Variants in ARHGAP10 observed in about 807,000 individuals in gnomAD.
ARHGAP10 encodes rho GTPase-activating protein 10.
In ARHGAP10, 87 loss-of-function variants were observed where a neutral mutation model predicts 108.6. That is an observed-to-expected ratio of 0.80 (90% CI 0.67 to 0.96). ARHGAP10 has a LOEUF of 0.96. Ranked by LOEUF, ARHGAP10 falls within the 40% of genes least tolerant of loss-of-function variation. ARHGAP10 has a pLI of 0.00. For missense variants in ARHGAP10, 939 were observed against 954.5 expected (o/e 0.98, Z 0.21); for synonymous variants, 347 against 341.1 (o/e 1.02, Z -0.19).
At chr4:147,776,371 C>T (rs1478772662) in intron 1 of ARHGAP10, among the ~76,000 whole-genome samples, 1 of 152,128 alleles carries the variant, frequency 6.6e-6, no homozygotes, top group Non-Finnish European at 1.5e-5. Context: ...AGGAACGCGT[C>T]ACCACACCCA....
chr4:148,005,916 A>G (rs768711189), intron 18 of ARHGAP10, among the ~76,000 whole-genome samples: 1 of 152,242 alleles, frequency 6.6e-6, no homozygotes, highest in Non-Finnish European at 1.5e-5. Context: ...TCATTACACA[A>G]TATTAGGTGA....
intron 11 of ARHGAP10, among the ~76,000 whole-genome samples, chr4:147,907,114 T>C (rs886458446): frequency 1.3e-5 from 2 of 152,224 alleles, no homozygotes; most frequent in Non-Finnish European, 2.9e-5. Flanking sequence ...AGGTGACTGC[T>C]GTAATTGTTT....
At chr4:147,742,950 G>A (rs1194708211) in intron 1 of ARHGAP10, among the ~76,000 whole-genome samples, 2 of 151,068 alleles carry the variant, frequency 1.3e-5, no homozygotes, top group Non-Finnish European at 2.9e-5. Context: ...GAAGTACAAG[G>A]GAATACAGTG....
At chr4:147,885,257 G>A (rs1471029673) in intron 10 of ARHGAP10, among the ~76,000 whole-genome samples, 1 of 152,120 alleles carries the variant, frequency 6.6e-6, no homozygotes, top group East Asian at 1.9e-4. Context: ...AGAAAAAGAG[G>A]TTTAATGGAC....
chr4:147,853,829 TACTC>T (rs933533307), intron 4 of ARHGAP10, among the ~76,000 whole-genome samples: 3 of 152,126 alleles, frequency 2.0e-5, no homozygotes, highest in African/African-American at 7.2e-5. Context: ...TTGTTGAAAA[TACTC>T]TCTATGGCTT....
intron 13 of ARHGAP10, among the ~76,000 whole-genome samples, chr4:147,929,271 C>G (rs1737578026): frequency 6.6e-6 from 1 of 152,080 alleles, no homozygotes. Flanking sequence ...ATAATGCATT[C>G]TTTTCCCAAA....
intron 20 of ARHGAP10, among the ~76,000 whole-genome samples, chr4:148,047,391 A>G (rs1578825159): frequency 6.6e-6 from 1 of 152,264 alleles, no homozygotes; most frequent in South Asian, 2.1e-4. Flanking sequence ...GTGAGAATGC[A>G]TGCTGATGGA....
chr4:148,034,383 T>A (rs1006044877), intron 19 of ARHGAP10, among the ~76,000 whole-genome samples: 6 of 152,210 alleles, frequency 3.9e-5, no homozygotes, highest in African/African-American at 1.4e-4. Flanking sequence ...GATGGCGCGA[T>A]CTTGGCTCAC....
chr4:148,001,555 G>A lies in ARHGAP10; in HGVS notation c.1717-21708G>A, dbSNP rs1231403349. On this transcript the variant is annotated intron_variant, in intron 18 of 22. Transcript: ENST00000336498. ...TTCTTCCTATCCATGAGTATGGAAT[G>A]TTCTTCCATTTGTTTGTGTCCTCTT... is the stretch of plus-strand genomic sequence containing the variant. 4.0e-5 allele frequency among the ~76,000 whole-genome samples: 6 copies of A among 151,884 alleles called. No individual in the cohort carries two copies. The East Asian group carries it at 7.7e-4, about 19-fold the overall frequency.
intron 22 of ARHGAP10, among the ~76,000 whole-genome samples, chr4:148,069,508 C>G (rs1730059075): frequency 6.6e-6 from 1 of 152,202 alleles, no homozygotes; most frequent in African/African-American, 2.4e-5. Flanking sequence ...CTCCTTTCAC[C>G]TCCAGCGTTG....
intron 1 of ARHGAP10, among the ~76,000 whole-genome samples, chr4:147,819,517 T>C (rs895176508): frequency 6.6e-6 from 1 of 151,730 alleles, no homozygotes; most frequent in African/African-American, 2.4e-5. Context: ...TATCTTTTTT[T>C]ATTTTTATTT....
At chr4:147,819,795 G>T (rs749161914) in intron 1 of ARHGAP10, among the ~76,000 whole-genome samples, 13 of 152,156 alleles carry the variant, frequency 8.5e-5, no homozygotes, top group Non-Finnish European at 1.5e-4. Flanking sequence ...CTGACCTTAG[G>T]TGATCCGCCC....
intron 4 of ARHGAP10, among the ~76,000 whole-genome samples, chr4:147,853,821 G>A (rs1463191031): frequency 6.6e-6 from 1 of 151,172 alleles, no homozygotes; most frequent in Non-Finnish European, 1.5e-5. Context: ...TCTGAGATTT[G>A]TTGAAAATAC....
At chr4:147,886,761 G>A (rs1735582915) in intron 10 of ARHGAP10, among the ~76,000 whole-genome samples, 1 of 152,008 alleles carries the variant, frequency 6.6e-6, no homozygotes, top group Non-Finnish European at 1.5e-5. Context: ...TGATCATACT[G>A]TGTTTTCTTT....
intron 10 of ARHGAP10, among the ~76,000 whole-genome samples, chr4:147,885,477 C>T (rs1005221222): frequency 2.0e-5 from 3 of 152,214 alleles, no homozygotes; most frequent in African/African-American, 4.8e-5. Flanking sequence ...CACCAGGTCC[C>T]TCCCACAACA....
At chr4:147,905,665 G>A (rs751131472) in intron 10 of ARHGAP10, among the ~76,000 whole-genome samples, 133 of 144,934 alleles carry the variant, frequency 9.2e-4, no homozygotes, top group Non-Finnish European at 1.5e-3. Context: ...GTCAGGTAGC[G>A]TGATGCCTCC....
chr4:147,917,588 C>G (rs1282545164), intron 13 of ARHGAP10, among the ~76,000 whole-genome samples: 1 of 152,144 alleles, frequency 6.6e-6, no homozygotes, highest in African/African-American at 2.4e-5. Flanking sequence ...AAGCCATAGA[C>G]AGATTAGCAT....
At chr4:147,920,844 G>A (rs1417036017) in intron 13 of ARHGAP10, among the ~76,000 whole-genome samples, 1 of 152,154 alleles carries the variant, frequency 6.6e-6, no homozygotes, top group Non-Finnish European at 1.5e-5. Context: ...GTATATTTTG[G>A]CGTTTAGAGG....
chr4:147,991,488 TCCAAGAAAG>T (rs1320911775), intron 18 of ARHGAP10, among the ~76,000 whole-genome samples: 2 of 152,166 alleles, frequency 1.3e-5, no homozygotes, highest in Non-Finnish European at 2.9e-5. Context: ...GATGTTTCAG[TCCAAGAAAG>T]CCCAGGTATT....
Sources: gnomAD v4.1 joint callset for allele counts (sites outside exome capture counted in the v4.1 genomes callset) on GRCh38, gnomAD v4.1.1 for gene constraint, MANE v1.5 for transcripts, NCBI Gene and HGNC (gene_info 2026-07-23, HGNC 2026-07-21) for gene names.